Variants in ZNF682 observed in about 807,000 individuals in gnomAD.
ZNF682 encodes zinc finger protein 682.
ZNF682 carries 29 observed loss-of-function variants against 36.5 expected under a neutral mutation model. The ratio of observed to expected loss-of-function variants is 0.80; its 90% CI spans 0.59 to 1.08. The LOEUF (loss-of-function observed/expected upper bound fraction) is 1.08, where lower values mean the gene tolerates loss of function less well. ZNF682 is among the 50% of genes least tolerant of loss of function. The pLI is 0.00. For missense variants in ZNF682, 561 were observed against 579.7 expected, an observed-to-expected ratio of 0.97 and a Z score of 0.33; for synonymous variants, 180 against 197.0, an observed-to-expected ratio of 0.91 and a Z score of 0.72.
rs552044623 is a variant in ZNF682 at position 20,031,476 on chromosome 19, G to C, written c.4-7100C>G. On this transcript the variant is annotated intron_variant, in intron 1 of 3. Coordinates refer to ENST00000397165, the MANE Select transcript of ZNF682 (RefSeq NM_033196.3). ...CACGATGCAGAAAATGTTTCCTATG[G>C]GCTTTCTGTACATTCTCAATCCAAA... is the stretch of plus-strand genomic sequence containing the variant. Among the ~76,000 whole-genome samples, 4 of 152,286 alleles carry C rather than the reference G, an allele frequency of 2.6e-5. No homozygotes were observed. The East Asian group carries it at 5.8e-4, about 22-fold the overall frequency.
chr19:20,012,278 A>G (rs909249943), intron 3 of ZNF682, among the ~76,000 whole-genome samples: 2 of 152,214 alleles, frequency 1.3e-5, no homozygotes, highest in African/African-American at 4.8e-5. Flanking sequence ...AAACCATTCA[A>G]TTAATCAAAA....
Position 20,006,404 on chromosome 19 carries a change from C to A in ZNF682, c.1098G>T (p.Glu366Asp), listed in dbSNP as rs764875248. 1 of 1,613,380 alleles carries A rather than the reference C, an allele frequency of 6.2e-7. No individual in the cohort carries two copies. Among genetic ancestry groups the A allele is most frequent in the Non-Finnish European group, 8.5e-7 (1 of 1,179,872 alleles). ...LTEHKVIHSG[E>D]KPYKCEKCDK... is the part of the protein sequence containing the mutation. ...CACATTTTTCACATTTGTAGGGTTT[C>A]TCTCCGCTATGAATTACCTTATGTT... The change falls in exon 4 of 4, where the codon GAG becomes GAT. Residue 366 changes from glutamate (E) to aspartate (D), a missense_variant. Physicochemically the swap from Glu to Asp is conservative, Grantham distance 45. Transcript: ENST00000397165.
intron 3 of ZNF682, among the ~76,000 whole-genome samples, chr19:20,016,576 C>T (rs1392268479): frequency 6.6e-6 from 1 of 151,736 alleles, no homozygotes. Flanking sequence ...ATTACAGAGC[C>T]ACAACAGATA....
At chr19:20,013,454 G>A (rs2088307850) in intron 3 of ZNF682, among the ~76,000 whole-genome samples, 1 of 152,020 alleles carries the variant, frequency 6.6e-6, no homozygotes, top group Non-Finnish European at 1.5e-5. Flanking sequence ...AAGAACAGAG[G>A]ACTTCAAAGC....
downstream of ZNF682, among the ~76,000 whole-genome samples, chr19:20,000,721 G>A (rs2088162454): frequency 6.6e-6 from 1 of 152,176 alleles, no homozygotes; most frequent in African/African-American, 2.4e-5. Flanking sequence ...ATGTTCCTAT[G>A]TGCCTGATCT....
downstream of ZNF682, among the ~76,000 whole-genome samples, chr19:19,999,595 C>T (rs2088151619): frequency 6.6e-6 from 1 of 151,910 alleles, no homozygotes; most frequent in South Asian, 2.1e-4. Flanking sequence ...AGTGCAATGG[C>T]ACGATCTCGG....
At chr19:20,018,449 A>C (rs2088357266) in intron 3 of ZNF682, among the ~76,000 whole-genome samples, 1 of 152,184 alleles carries the variant, frequency 6.6e-6, no homozygotes, top group South Asian at 2.1e-4. Context: ...AAGAACAACA[A>C]AGAGGTATTA....
At chr19:20,020,158 G>A (rs1223129292) in intron 3 of ZNF682, among the ~76,000 whole-genome samples, 1 of 151,808 alleles carries the variant, frequency 6.6e-6, no homozygotes, top group African/African-American at 2.4e-5. Flanking sequence ...TTGGTGTGTT[G>A]TAAACTGGTA....
intron 3 of ZNF682, among the ~76,000 whole-genome samples, chr19:20,008,884 C>T (rs2088254813): frequency 1.3e-5 from 2 of 152,164 alleles, no homozygotes; most frequent in Non-Finnish European, 2.9e-5. Context: ...ACATGAAGCA[C>T]TCTATGAAAT....
intron 1 of ZNF682, among the ~76,000 whole-genome samples, chr19:20,025,120 C>T (rs1325937595): frequency 6.6e-6 from 1 of 152,080 alleles, no homozygotes; most frequent in Non-Finnish European, 1.5e-5. Flanking sequence ...ACCAAGGCAT[C>T]CGAATCAAGA....
rs967954543 is a variant in ZNF682, at chr19:20,005,901, T to C, written c.*104A>G. The C allele has an allele frequency of 4.5e-6, 5 of 1,121,210 alleles. No individual in the cohort carries two copies. Among genetic ancestry groups the C allele is most frequent in the Non-Finnish European group, 5.1e-6 (4 of 786,990 alleles). The allele number at this position is 1,121,210 out of a possible 1,614,324, so 69.5% of individuals were successfully genotyped here. On this transcript the variant is annotated 3_prime_UTR_variant, in exon 4 of 4. Coordinates refer to ENST00000397165, the MANE Select transcript of ZNF682 (RefSeq NM_033196.3). ...CCCCACATTCTTCACATTTGTAGTG[T>C]TTCTCTCCAGTATGAATTATCTTGT...
At chr19:20,031,523 C>T (rs1334161101) in intron 1 of ZNF682, among the ~76,000 whole-genome samples, 1 of 152,194 alleles carries the variant, frequency 6.6e-6, no homozygotes, top group African/African-American at 2.4e-5. Context: ...TCTCATGAGT[C>T]CCAGAAGCCA....
rs775864419 is a variant in ZNF682 at position 20,006,961 on chromosome 19, CTT to C, written c.539_540del (p.Lys180SerfsTer3). 9 of 1,613,142 alleles carry C rather than the reference CTT, an allele frequency of 5.6e-6. No homozygotes were observed. The highest frequency in any genetic ancestry group is 7.6e-6 in the Non-Finnish European group (9 of 1,179,368). Reference protein sequence around the residue: ...EKLFKCMQCGKVFKSHSGLSY... With the variant: ...EKLFKCMQCGXVFKSHSGLSY... ...GAAAGGCCTGAGTGAGATTTAAAGA[CTT>C]TGCCACATTGCATACATTTGAAAAG... On this transcript the variant is annotated frameshift_variant, in exon 4 of 4. Coordinates refer to ENST00000397165, the MANE Select transcript of ZNF682 (RefSeq NM_033196.3). LOFTEE classifies it high-confidence loss of function.
At chr19:20,037,869 G>C (rs2088547268) in intron 1 of ZNF682, among the ~76,000 whole-genome samples, 1 of 152,210 alleles carries the variant, frequency 6.6e-6, no homozygotes, top group South Asian at 2.1e-4. Flanking sequence ...TGTCCTAATG[G>C]ATTTGCTTTC....
At chr19:20,012,622 G>C (rs2088299501) in intron 3 of ZNF682, among the ~76,000 whole-genome samples, 1 of 151,986 alleles carries the variant, frequency 6.6e-6, no homozygotes, top group Non-Finnish European at 1.5e-5. Context: ...CAAAAAATTA[G>C]TGGGGCATGG....
intron 3 of ZNF682, among the ~76,000 whole-genome samples, chr19:20,016,515 TA>T (rs2088335821): frequency 1.3e-5 from 2 of 151,902 alleles, no homozygotes. Context: ...AAGTATTTTT[TA>T]AAAAAACAAA....
chr19:20,028,550 A>G lies in ZNF682; in HGVS notation c.4-4174T>C, dbSNP rs118079030. On this transcript the variant is annotated intron_variant, in intron 1 of 3. Transcript: ENST00000397165. ...TGAAAGGAGTCCACGGATTGGCTTC[A>G]TTCACAGCTAATGCTGACCCTGCTT... Among the ~76,000 whole-genome samples, 182 of 152,240 alleles carry G rather than the reference A, an allele frequency of 1.2e-3. 2 individuals carry two copies. In the East Asian group the frequency reaches 0.033, roughly 28 times the overall value.
intron 1 of ZNF682, among the ~76,000 whole-genome samples, chr19:20,032,993 C>T (rs1043922865): frequency 7.2e-5 from 11 of 152,106 alleles, no homozygotes; most frequent in African/African-American, 2.7e-4. Context: ...GTGCCAGGTG[C>T]GGTGGCTCAC....
intron 2 of ZNF682, 61 bp from the exon 3 acceptor site, chr19:20,023,160 G>A (rs2088402069): frequency 2.1e-6 from 3 of 1,422,558 alleles, no homozygotes; most frequent in Non-Finnish European, 3.0e-6. Context: ...CCAACCTAGT[G>A]TTGTGCTCTG....
Sources: allele counts gnomAD v4.1 joint callset (sites outside exome capture counted in the v4.1 genomes callset), GRCh38; gene constraint gnomAD v4.1.1; transcripts MANE v1.5; gene names NCBI Gene and HGNC (gene_info 2026-07-23, HGNC 2026-07-21).